Variants in TACC2 observed in about 807,000 individuals in gnomAD.
TACC2 encodes transforming acidic coiled-coil-containing protein 2.
TACC2 carries 137 observed loss-of-function variants against 227.3 expected under a neutral mutation model. The ratio of observed to expected loss-of-function variants is 0.60; its 90% CI spans 0.52 to 0.69. The LOEUF (loss-of-function observed/expected upper bound fraction) is 0.69. Ranked by LOEUF, TACC2 falls within the 30% of genes least tolerant of loss-of-function variation. The probability of loss-of-function intolerance (pLI) is 0.00; values close to 1 mark genes in which losing one functional copy is unlikely to be tolerated. For missense variants in TACC2, 3,470 were observed against 3,694.4 expected, an observed-to-expected ratio of 0.94 and a Z score of 1.57; for synonymous variants, 1,523 against 1,487.5, an observed-to-expected ratio of 1.02 and a Z score of -0.55.
intron 7 of TACC2, among the ~76,000 whole-genome samples, chr10:122,162,416 C>T (rs937146510): frequency 3.9e-5 from 6 of 152,222 alleles, no homozygotes; most frequent in Admixed American, 3.9e-4. Flanking sequence ...ACATTTTAGG[C>T]TCACTGCCCT....
intron 3 of TACC2, among the ~76,000 whole-genome samples, chr10:122,054,164 A>G (rs889779951): frequency 1.3e-5 from 2 of 152,182 alleles, no homozygotes; most frequent in Admixed American, 1.3e-4. Context: ...AAAGTTCTTC[A>G]ATAGGAAGAG....
At chr10:122,069,133 G>A (rs766574580) in intron 3 of TACC2, among the ~76,000 whole-genome samples, 2 of 147,412 alleles carry the variant, frequency 1.4e-5, no homozygotes, top group African/African-American at 2.5e-5. Flanking sequence ...TTCATCTCAA[G>A]TCAGGGCGAC....
At chr10:122,125,399 C>T (rs1413127158) in intron 5 of TACC2, among the ~76,000 whole-genome samples, 2 of 151,664 alleles carry the variant, frequency 1.3e-5, no homozygotes, top group Non-Finnish European at 2.9e-5. Context: ...TTGGGTTTTG[C>T]TATGTTGCTC....
In TACC2 at chr10:122,086,029, C is replaced by T. The variant is rs563010428; in HGVS notation, c.3529C>T (p.Leu1177=). The T allele has an allele frequency of 6.8e-6, 11 of 1,613,978 alleles. No individual in the cohort carries two copies. In the East Asian group the frequency reaches 2.2e-4, roughly 33 times the overall value. Residue 1177 remains leucine, a synonymous_variant, in exon 4 of 23, where the codon CTA becomes TTA. Transcript: ENST00000369005. ...TSGEEASTSA[L]RESCQAEHPM... ...CGGGGAGGAAGCTTCTACCTCTGCC[C>T]TACGTGAGTCCTGCCAAGCTGAGCA...
intron 8 of TACC2, among the ~76,000 whole-genome samples, chr10:122,204,453 C>G (rs1008687164): frequency 2.0e-5 from 3 of 152,084 alleles, no homozygotes; most frequent in Non-Finnish European, 4.4e-5. Context: ...GGGAAGCACC[C>G]CAGCAGGACA....
intron 2 of TACC2, among the ~76,000 whole-genome samples, chr10:122,029,729 T>C (rs1363734151): frequency 6.6e-6 from 1 of 152,166 alleles, no homozygotes; most frequent in Non-Finnish European, 1.5e-5. Context: ...AGGGCATAGC[T>C]ATCGGGTGAG....
chr10:122,130,496 G>T (rs2087842372), intron 5 of TACC2, among the ~76,000 whole-genome samples: 2 of 151,946 alleles, frequency 1.3e-5, no homozygotes, highest in Admixed American at 6.6e-5. Context: ...TTCCCAGGCT[G>T]GTCTTCAACT....
At chr10:122,111,417 T>G (rs10887075) in intron 5 of TACC2, among the ~76,000 whole-genome samples, 47,740 of 152,162 alleles carry the variant, frequency 0.31, 8,884 homozygotes, top group South Asian at 0.43. Context: ...GTTGCCCAGT[T>G]GAGGTGCTGG....
At chr10:122,022,180 T>C (rs1957416110) in intron 2 of TACC2, 166 bp downstream of exon 2, 1 of 626,874 alleles carries the variant, frequency 1.6e-6, no homozygotes, top group East Asian at 2.8e-5. Flanking sequence ...TTTCATTTCA[T>C]TGGAATTCTC....
rs181004104 is a variant in TACC2, at chr10:122,141,647, G to A, written c.5700-1925G>A. ...GCTGTCACAGAGCTGGCTTTGTTGT[G>A]ATTAGCAGCGGGCCACAGATCTAAG... On this transcript the variant is annotated intron_variant, in intron 6 of 22. Transcript: ENST00000369005. The surrounding 1 kb of genome is among the most constrained non-coding windows in gnomAD (Gnocchi z 4.3). Among the ~76,000 whole-genome samples, 2 of 152,158 alleles carry A rather than the reference G, an allele frequency of 1.3e-5. No individual in the cohort carries two copies. The highest frequency in any genetic ancestry group is 1.3e-4 in the Admixed American group (2 of 15,286).
At chr10:122,219,563 G>A (rs2095483519) in intron 11 of TACC2, among the ~76,000 whole-genome samples, 1 of 152,224 alleles carries the variant, frequency 6.6e-6, no homozygotes, top group South Asian at 2.1e-4. Context: ...TGATCCTGCA[G>A]TGGGCATCAC....
intron 2 of TACC2, among the ~76,000 whole-genome samples, chr10:122,044,991 G>A (rs1025946757): frequency 6.6e-6 from 1 of 152,046 alleles, no homozygotes; most frequent in Non-Finnish European, 1.5e-5. Context: ...TGACACACAG[G>A]TCCTTTGGAA....
intron 19 of TACC2, among the ~76,000 whole-genome samples, chr10:122,245,664 G>T (rs1247092450): frequency 1.3e-5 from 2 of 152,030 alleles, no homozygotes; most frequent in African/African-American, 4.8e-5. Context: ...CTCCCTCTTC[G>T]CAAGCCACTG....
chr10:122,000,421 T>C (rs1954152620), intron 1 of TACC2, among the ~76,000 whole-genome samples: 1 of 152,104 alleles, frequency 6.6e-6, no homozygotes, highest in Non-Finnish European at 1.5e-5. Flanking sequence ...ACTAGCTTAC[T>C]TTAGTAGCCA....
chr10:122,169,672 A>T (rs924475804), intron 7 of TACC2, among the ~76,000 whole-genome samples: 2 of 152,310 alleles, frequency 1.3e-5, no homozygotes, highest in South Asian at 4.1e-4. Context: ...TCTCTAAGAC[A>T]TCTCATTTAT....
rs187030462 is a variant in TACC2 at position 122,008,393 on chromosome 10, C to T, written c.-45-13544C>T. 6.2e-3 allele frequency among the ~76,000 whole-genome samples: 927 copies of T among 149,668 alleles called. 8 individuals are homozygous for T. Among genetic ancestry groups the T allele is most frequent in the Non-Finnish European group, 5.8e-3 (390 of 67,324 alleles). On this transcript the variant is annotated intron_variant, in intron 1 of 22. Coordinates refer to ENST00000369005, the MANE Select transcript of TACC2 (RefSeq NM_206862.4). Reference sequence around the variant, plus strand: ...CTCCTGCCTCAGCCTCTCGAGTAGCCGGGATTACAGGCATGTGCCACCAGG... The same window carrying T: ...CTCCTGCCTCAGCCTCTCGAGTAGCTGGGATTACAGGCATGTGCCACCAGG...
At chr10:122,044,624 A>G (rs576213386) in intron 2 of TACC2, among the ~76,000 whole-genome samples, 1 of 151,736 alleles carries the variant, frequency 6.6e-6, no homozygotes, top group African/African-American at 2.4e-5. Context: ...AATTAACTCT[A>G]TTGGCATGAC....
intron 6 of TACC2, among the ~76,000 whole-genome samples, chr10:122,133,466 C>T (rs917021825): frequency 2.0e-5 from 3 of 152,182 alleles, no homozygotes; most frequent in Non-Finnish European, 4.4e-5. Context: ...TGTATGCCTC[C>T]ACATGTCTCT....
At chr10:122,161,285 C>A (rs545394567) in intron 7 of TACC2, among the ~76,000 whole-genome samples, 5 of 152,190 alleles carry the variant, frequency 3.3e-5, no homozygotes, top group African/African-American at 1.2e-4. Flanking sequence ...ATGGTGTTGT[C>A]CCACTAAGTA....
Sources: gnomAD v4.1 joint callset for allele counts (sites outside exome capture counted in the v4.1 genomes callset) on GRCh38, gnomAD v4.1.1 for gene constraint, Gnocchi (gnomAD v3.1) non-coding constraint, MANE v1.5 for transcripts, NCBI Gene and HGNC (gene_info 2026-07-23, HGNC 2026-07-21) for gene names.